INTS9: variants seen among roughly 807,000 people sequenced by gnomAD.
The protein encoded by INTS9 is protein related to CPSF subunits of 74 kDa.
In INTS9, 55 loss-of-function variants were observed where a neutral mutation model predicts 79.7. The ratio of observed to expected loss-of-function variants is 0.69; its 90% CI spans 0.56 to 0.86. The LOEUF (loss-of-function observed/expected upper bound fraction) is 0.86. Among genes scored for constraint, INTS9 ranks in the 40% least tolerant of loss-of-function variants. The pLI is 0.00. For synonymous variants in INTS9, 319 were observed against 325.2 expected (o/e 0.98, Z 0.20); for missense variants, 721 against 831.5 (o/e 0.87, Z 1.64).
At chr8:28,880,434 T>A (rs1809661761) in intron 1 of INTS9, among the ~76,000 whole-genome samples, 1 of 152,156 alleles carries the variant, frequency 6.6e-6, no homozygotes, top group African/African-American at 2.4e-5. Flanking sequence ...GGTTTTCGTT[T>A]TTTTTTGGTG....
At chr8:28,852,816 GGGT>G (rs1807920690) in intron 2 of INTS9, among the ~76,000 whole-genome samples, 1 of 152,194 alleles carries the variant, frequency 6.6e-6, no homozygotes, top group South Asian at 2.1e-4. Flanking sequence ...TATTATACCT[GGGT>G]GGTTACTTTG....
chr8:28,805,789 T>C (rs1269679045), intron 8 of INTS9, among the ~76,000 whole-genome samples: 3 of 151,976 alleles, frequency 2.0e-5, no homozygotes, highest in Non-Finnish European at 4.4e-5. Context: ...CATTTTCACA[T>C]ATACAGAAGG....
chr8:28,823,898 C>T (rs771935315), intron 6 of INTS9, among the ~76,000 whole-genome samples: 1 of 152,138 alleles, frequency 6.6e-6, no homozygotes, highest in African/African-American at 2.4e-5. Flanking sequence ...TATGTCAAAT[C>T]GTTCCTATGC....
chr8:28,818,865 C>G (rs1805659578), intron 6 of INTS9, among the ~76,000 whole-genome samples: 1 of 151,414 alleles, frequency 6.6e-6, no homozygotes, highest in Admixed American at 6.6e-5. Context: ...TCAACTTCTT[C>G]CTGGTTTAGT....
intron 11 of INTS9, among the ~76,000 whole-genome samples, chr8:28,785,016 G>C (rs1395536579): frequency 2.6e-5 from 4 of 152,236 alleles, no homozygotes; most frequent in Non-Finnish European, 5.9e-5. Context: ...ATTCTCAAAG[G>C]GTACAGGTCA....
chr8:28,827,845 C>T (rs1209838724), intron 6 of INTS9, among the ~76,000 whole-genome samples: 1 of 152,112 alleles, frequency 6.6e-6, no homozygotes, highest in Non-Finnish European at 1.5e-5. Flanking sequence ...GACTTCCTGG[C>T]CAGCATAGAG....
At chr8:28,846,134 G>A (rs1044860877) in intron 4 of INTS9, among the ~76,000 whole-genome samples, 31 of 152,268 alleles carry the variant, frequency 2.0e-4, no homozygotes, top group Admixed American at 1.0e-3. Flanking sequence ...GTTAAGAACC[G>A]CACCTAGGCT....
intron 12 of INTS9, 182 bp downstream of exon 12, chr8:28,780,641 C>G (rs1435557633): frequency 1.0e-6 from 1 of 985,294 alleles, no homozygotes; most frequent in African/African-American, 1.7e-5. Context: ...GCCCAGCTGT[C>G]CAATGGCACA....
intron 8 of INTS9, among the ~76,000 whole-genome samples, chr8:28,803,412 G>A (rs1318942436): frequency 6.6e-6 from 1 of 152,232 alleles, no homozygotes; most frequent in African/African-American, 2.4e-5. Context: ...GCTAGTTATT[G>A]CCAATACGTT....
intron 8 of INTS9, among the ~76,000 whole-genome samples, chr8:28,803,719 G>A (rs1473474390): frequency 6.6e-6 from 1 of 152,020 alleles, no homozygotes; most frequent in South Asian, 2.1e-4. Context: ...GCTGCAAATA[G>A]CTCTTAATGT....
intron 8 of INTS9, among the ~76,000 whole-genome samples, chr8:28,800,355 A>G (rs1190944559): frequency 6.6e-6 from 1 of 152,188 alleles, no homozygotes; most frequent in South Asian, 2.1e-4. Context: ...GCATATGCCA[A>G]ATGAATGTAC....
At chr8:28,863,970 A>G (rs1585498097) in intron 1 of INTS9, among the ~76,000 whole-genome samples, 1 of 152,348 alleles carries the variant, frequency 6.6e-6, no homozygotes, top group Middle Eastern at 3.4e-3. Flanking sequence ...TAAGATAAAC[A>G]TTATTTATAT....
At chr8:28,872,738 T>C (rs1264494312) in intron 1 of INTS9, among the ~76,000 whole-genome samples, 1 of 152,174 alleles carries the variant, frequency 6.6e-6, no homozygotes, top group African/African-American at 2.4e-5. Flanking sequence ...CAGGAGAGCC[T>C]GGACCTGCCA....
intron 1 of INTS9, among the ~76,000 whole-genome samples, chr8:28,873,939 A>G (rs1809227413): frequency 6.6e-6 from 1 of 152,190 alleles, no homozygotes; most frequent in Non-Finnish European, 1.5e-5. Flanking sequence ...CTATATCATC[A>G]ACTGGTCCCA....
At position 28,780,854 on chromosome 8, in the gene INTS9, T is replaced by C; in HGVS notation, c.1239A>G (p.Gly413=). Reference sequence around the variant, plus strand: ...ATATGACGGTATTGAGACTAGATTTTCCCCAGAGCTCCATGAAGTGGACCA... The same window carrying C: ...ATATGACGGTATTGAGACTAGATTTCCCCCAGAGCTCCATGAAGTGGACCA... ...GDVVHFMELW[G]KSSLNTVIFT... is the part of the protein sequence containing the mutation. Residue 413 remains glycine (G), a synonymous_variant, in exon 12 of 17, where the codon GGA becomes GGG. Transcript: ENST00000521022. 6.2e-7 allele frequency: 1 copy of C among 1,614,210 alleles called. No individual in the cohort carries two copies. The highest frequency in any genetic ancestry group is 1.1e-5 in the South Asian group (1 of 91,084).
chr8:28,827,576 G>A (rs1007527108), intron 6 of INTS9, among the ~76,000 whole-genome samples: 4 of 152,164 alleles, frequency 2.6e-5, no homozygotes, highest in African/African-American at 9.7e-5. Flanking sequence ...GTGGGGGCTA[G>A]GGTAGACTGG....
At chr8:28,859,342 G>A (rs952245992) in intron 2 of INTS9, 94 bp downstream of exon 2, 30 of 1,362,416 alleles carry the variant, frequency 2.2e-5, no homozygotes, top group African/African-American at 2.2e-4. Context: ...GCAAACTTAC[G>A]ACAATATACT....
chr8:28,876,194 G>A (rs1415786390), intron 1 of INTS9, among the ~76,000 whole-genome samples: 1 of 152,048 alleles, frequency 6.6e-6, no homozygotes, highest in African/African-American at 2.4e-5. Flanking sequence ...TGTTTTCCAA[G>A]GAAACCTTGC....
intron 6 of INTS9, among the ~76,000 whole-genome samples, chr8:28,826,094 A>G (rs1053297874): frequency 6.6e-6 from 1 of 152,200 alleles, no homozygotes; most frequent in Non-Finnish European, 1.5e-5. Context: ...GATTTTTGCT[A>G]ATCAGATACA....
Sources: allele counts gnomAD v4.1 joint callset (sites outside exome capture counted in the v4.1 genomes callset), GRCh38; gene constraint gnomAD v4.1.1; transcripts MANE v1.5; gene names NCBI Gene and HGNC (gene_info 2026-07-23, HGNC 2026-07-21).